The following SLC26A4 variants were observed in gnomAD, a reference collection of about 807,000 sequenced individuals.
The protein encoded by SLC26A4 is pendrin.
A neutral mutation model predicts 90.4 loss-of-function variants in SLC26A4; 93 were observed. The ratio of observed to expected loss-of-function variants is 1.03; its 90% CI spans 0.87 to 1.22. SLC26A4 has a LOEUF of 1.22. SLC26A4 is among the 50% of genes most tolerant of loss of function. The pLI, the probability that SLC26A4 is intolerant of heterozygous loss-of-function variation, is 0.00. For missense variants in SLC26A4, 1,127 were observed against 946.2 expected, an observed-to-expected ratio of 1.19 and a Z score of -2.51; for synonymous variants, 393 against 354.6, an observed-to-expected ratio of 1.11 and a Z score of -1.22.
chr7:107,704,533 G>T (rs1392498763), intron 18 of SLC26A4, 148 bp downstream of exon 18: 2 of 586,596 alleles, frequency 3.4e-6, no homozygotes, highest in African/African-American at 1.9e-5. Context: ...CTGGAATCTG[G>T]CACTGCTTCA....
intron 18 of SLC26A4, among the ~76,000 whole-genome samples, chr7:107,705,648 T>G (rs539002142): frequency 6.6e-6 from 1 of 152,168 alleles, no homozygotes; most frequent in African/African-American, 2.4e-5. Flanking sequence ...ACTGGTTAAA[T>G]TAAAGCAGAA....
intron 3 of SLC26A4, among the ~76,000 whole-genome samples, chr7:107,664,796 T>C (rs1478029222): frequency 6.6e-6 from 1 of 152,168 alleles, no homozygotes; most frequent in Non-Finnish European, 1.5e-5. Flanking sequence ...CATTCTCCTC[T>C]GTCCCCTATC....
At position 107,712,612 on chromosome 7, in the gene SLC26A4, T is replaced by C; in HGVS notation, c.2309T>C (p.Val770Ala). 6.5e-7 allele frequency: 1 copy of C among 1,541,482 alleles called. No individual in the cohort carries two copies. Residue 770 changes from valine to alanine, a missense_variant, in exon 20 of 21, where the codon GTC becomes GCC. Physicochemically the swap from Val to Ala is moderately conservative, Grantham distance 64 (BLOSUM62 0). Transcript: ENST00000644269. Reference sequence around the variant, plus strand: ...GAGCTGACGGAAGAAGAACTTGATGTCCAGGATGAGGTATGATCATTTTCT... The same window carrying C: ...GAGCTGACGGAAGAAGAACTTGATGCCCAGGATGAGGTATGATCATTTTCT... Reference protein sequence around the residue: ...ETELTEEELDVQDEAMRTLAS With the variant: ...ETELTEEELDAQDEAMRTLAS
chr7:107,699,961 G>T, intron 14 of SLC26A4, 122 bp from the exon 15 acceptor site: 2 of 674,860 alleles, frequency 3.0e-6, no homozygotes, highest in Non-Finnish European at 2.7e-6. Flanking sequence ...AAGAAAAGTT[G>T]AGTGCTGCTA....
At chr7:107,689,384 T>A (rs911591771) in intron 9 of SLC26A4, among the ~76,000 whole-genome samples, 184 bp downstream of exon 9, 7 of 152,230 alleles carry the variant, frequency 4.6e-5, no homozygotes, top group African/African-American at 1.7e-4. Flanking sequence ...TGCATCACTT[T>A]GCTTTTTTAA....
At chr7:107,711,668 T>C (rs1275386442) in intron 19 of SLC26A4, among the ~76,000 whole-genome samples, 1 of 152,198 alleles carries the variant, frequency 6.6e-6, no homozygotes, top group African/African-American at 2.4e-5. Flanking sequence ...AGTAGGTGAA[T>C]GATGATAAAC....
intron 3 of SLC26A4, among the ~76,000 whole-genome samples, chr7:107,667,670 C>T (rs950644179): frequency 6.6e-6 from 1 of 151,622 alleles, no homozygotes; most frequent in Non-Finnish European, 1.5e-5. Context: ...ATAGGAATGA[C>T]CTAGTAGAAA....
intron 3 of SLC26A4, among the ~76,000 whole-genome samples, chr7:107,670,050 C>G (rs1328787396): frequency 2.6e-5 from 4 of 151,676 alleles, no homozygotes; most frequent in African/African-American, 9.7e-5. Context: ...TTATATTATT[C>G]ATTGTGTATT....
Position 107,706,796 on chromosome 7 carries a change from A to G in SLC26A4, c.2089+2411A>G, listed in dbSNP as rs138494980. On this transcript the variant is annotated intron_variant, in intron 18 of 20. Transcript: ENST00000644269. ...ATAATCATATTGCCATAAAAATAAG[A>G]ATACTCACAAAGAGTTTCCAAATTC... is the stretch of plus-strand genomic sequence containing the variant. Among the ~76,000 whole-genome samples, 687 of 152,368 alleles carry G rather than the reference A, an allele frequency of 4.5e-3. 6 individuals carry two copies. The highest frequency in any genetic ancestry group is 0.016 in the African/African-American group (647 of 41,594).
chr7:107,707,489 A>G (rs1792065233), intron 18 of SLC26A4, among the ~76,000 whole-genome samples: 1 of 152,246 alleles, frequency 6.6e-6, no homozygotes. Context: ...GTATCAGAAC[A>G]AAACAATTAA....
intron 3 of SLC26A4, among the ~76,000 whole-genome samples, chr7:107,666,273 G>A (rs983756744): frequency 3.9e-5 from 6 of 152,150 alleles, no homozygotes; most frequent in Non-Finnish European, 5.9e-5. Context: ...GCAGGCTGGA[G>A]TGCAGTGGTG....
At chr7:107,690,413 A>T (rs1055297061) in intron 10 of SLC26A4, among the ~76,000 whole-genome samples, 176 bp downstream of exon 10, 1 of 152,156 alleles carries the variant, frequency 6.6e-6, no homozygotes, top group Admixed American at 6.5e-5. Context: ...TCTCTTAAAA[A>T]ACAACATGTA....
intron 6 of SLC26A4, among the ~76,000 whole-genome samples, chr7:107,681,603 A>C (rs1791231597): frequency 6.6e-6 from 1 of 152,190 alleles, no homozygotes; most frequent in Admixed American, 6.5e-5. Flanking sequence ...ATTGTCTCAA[A>C]GAAATGTCTC....
intron 2 of SLC26A4, 136 bp from the exon 3 acceptor site, chr7:107,663,157 GTTA>G (rs758256763): frequency 5.9e-5 from 58 of 980,080 alleles, no homozygotes; most frequent in Non-Finnish European, 9.4e-5. Flanking sequence ...GCACTTCAGG[GTTA>G]TTATTTTCCA....
chr7:107,687,098 A>G (rs1791442325), intron 8 of SLC26A4, among the ~76,000 whole-genome samples: 1 of 151,914 alleles, frequency 6.6e-6, no homozygotes, highest in African/African-American at 2.4e-5. Context: ...TCGTTTGTGG[A>G]ATTTTGGGCC....
At chr7:107,699,349 G>T (rs1483591140) in intron 14 of SLC26A4, among the ~76,000 whole-genome samples, 1 of 152,182 alleles carries the variant, frequency 6.6e-6, no homozygotes, top group Non-Finnish European at 1.5e-5. Context: ...TATTTTGGGT[G>T]TGGCCATTGT....
At chr7:107,666,114 G>A (rs181040026) in intron 3 of SLC26A4, among the ~76,000 whole-genome samples, 124 of 152,318 alleles carry the variant, frequency 8.1e-4, no homozygotes, top group African/African-American at 2.8e-3. Flanking sequence ...TTGAGGGGTA[G>A]GGATGGGAAT....
rs1013392579 is a variant in SLC26A4 at position 107,690,213 on chromosome 7, G to C, written c.1239G>C (p.Gln413His). Residue 413 changes from glutamine to histidine, a missense_variant, in exon 10 of 21, where the codon CAG becomes CAC. By Grantham distance (24) the Gln-to-His change is conservative. Transcript: ENST00000644269. ...CTGCTCTTTCCCGCACGGCCGTCCA[G>C]GAGAGCACTGGAGGAAAGACACAGG... Reference protein sequence around the residue: ...ATTALSRTAVQESTGGKTQVA... With the variant: ...ATTALSRTAVHESTGGKTQVA... The C allele has an allele frequency of 1.2e-6, 2 of 1,605,584 alleles. No individual in the cohort carries two copies. Among genetic ancestry groups the C allele is most frequent in the Non-Finnish European group, 1.7e-6 (2 of 1,172,334 alleles).
intron 6 of SLC26A4, among the ~76,000 whole-genome samples, chr7:107,682,127 AAAATT>A (rs1791254337): frequency 7.3e-6 from 1 of 137,458 alleles, no homozygotes. Flanking sequence ...AAAAAAAAAA[AAAATT>A]TTTTTTATGT....
Sources: allele counts gnomAD v4.1 joint callset (sites outside exome capture counted in the v4.1 genomes callset), GRCh38; gene constraint gnomAD v4.1.1; transcripts MANE v1.5; gene names NCBI Gene and HGNC (gene_info 2026-07-23, HGNC 2026-07-21).